ITGA6: variants seen among roughly 807,000 people sequenced by gnomAD.
ITGA6 encodes the protein integrin subunit alpha 6.
In ITGA6, 63 loss-of-function variants were observed where a neutral mutation model predicts 133.6. The ratio of observed to expected loss-of-function variants is 0.47; its 90% confidence interval spans 0.38 to 0.58. ITGA6 has a LOEUF of 0.58. Ranked by LOEUF, ITGA6 falls within the 20% of genes least tolerant of loss-of-function variation. The pLI, the probability that ITGA6 is intolerant of heterozygous loss-of-function variation, is 0.00. For missense variants in ITGA6, 1,068 were observed against 1,309.4 expected, an observed-to-expected ratio of 0.82 and a Z score of 2.85; for synonymous variants, 434 against 482.0, an observed-to-expected ratio of 0.90 and a Z score of 1.30.
chr2:172,488,475 T>C (rs1686785159), intron 19 of ITGA6, among the ~76,000 whole-genome samples: 1 of 152,256 alleles, frequency 6.6e-6, no homozygotes, highest in Non-Finnish European at 1.5e-5. Context: ...GATTTATTCC[T>C]TCCTCCTTTA....
chr2:172,480,017 T>C lies in ITGA6; in HGVS notation c.1515T>C (p.Tyr505=), dbSNP rs1686362211. The C allele has an allele frequency of 3.8e-6, 6 of 1,593,690 alleles. No individual in the cohort carries two copies. The highest frequency in any genetic ancestry group is 5.2e-6 in the Non-Finnish European group (6 of 1,161,300). Residue 505 remains tyrosine, a synonymous_variant, in exon 11 of 26, where the codon TAT becomes TAC. Coordinates refer to ENST00000684293, the MANE Select transcript of ITGA6 (RefSeq NM_000210.4). ...ICLQVKSCFE[Y]TANPAGYNPS... ...TCCAGGTTAAATCCTGTTTTGAATA[T>C]ACTGCTAACCCCGCTGGTTATAATC...
In ITGA6 at chr2:172,491,276, A is replaced by G; in HGVS notation, c.2834A>G (p.Asp945Gly). The change falls in exon 22 of 26, where the codon GAC (aspartate) becomes GGC (glycine). Residue 945 changes from aspartate (D) to glycine (G), a missense_variant. By Grantham distance (94) the Asp-to-Gly change is moderately conservative (BLOSUM62 -1). Transcript: ENST00000684293. This position sits in a 1 kb window ranked among gnomAD's most constrained non-coding sequence, Gnocchi z 4.4. ...VNIRCPLRGL[D>G]SKASLILRSR... The stretch of plus-strand genomic sequence containing the variant: ...ATCAGATGCCCGCTGCGGGGGCTGG[A>G]CAGCAAGGCGTCTCTTATTTTGCGC... 6.2e-7 allele frequency: 1 copy of G among 1,613,350 alleles called. No homozygotes were observed. The highest frequency in any genetic ancestry group is 8.5e-7 in the Non-Finnish European group (1 of 1,179,306).
At chr2:172,479,429 T>C (rs992548706) in intron 9 of ITGA6, among the ~76,000 whole-genome samples, 1 of 152,232 alleles carries the variant, frequency 6.6e-6, no homozygotes, top group Non-Finnish European at 1.5e-5. Flanking sequence ...TGTACGTTTT[T>C]AAACAAATAT....
At chr2:172,471,415 G>A (rs1185988439) in intron 5 of ITGA6, among the ~76,000 whole-genome samples, 1 of 152,198 alleles carries the variant, frequency 6.6e-6, no homozygotes, top group Non-Finnish European at 1.5e-5. Flanking sequence ...ACCTGAAACA[G>A]GCCGCTCATG....
At chr2:172,500,897 G>A (rs1175361406) in intron 24 of ITGA6, among the ~76,000 whole-genome samples, 1 of 152,110 alleles carries the variant, frequency 6.6e-6, no homozygotes, top group African/African-American at 2.4e-5. Flanking sequence ...ATAGCCTCAC[G>A]GAGCCAGCAG....
intron 1 of ITGA6, among the ~76,000 whole-genome samples, chr2:172,439,812 A>G (rs1684468895): frequency 6.6e-6 from 1 of 152,192 alleles, no homozygotes; most frequent in Non-Finnish European, 1.5e-5. Flanking sequence ...CTAGCTGCCC[A>G]GTGCCCAGTC....
chr2:172,472,318 T>G (rs1283426653), intron 5 of ITGA6, among the ~76,000 whole-genome samples: 3 of 152,246 alleles, frequency 2.0e-5, no homozygotes, highest in Non-Finnish European at 2.9e-5. Context: ...AGCAGGACCT[T>G]ACCTCAGAAT....
intron 1 of ITGA6, among the ~76,000 whole-genome samples, chr2:172,442,243 T>C (rs184515293): frequency 5.9e-4 from 90 of 152,308 alleles, no homozygotes; most frequent in African/African-American, 2.1e-3. Flanking sequence ...ACTGACTCAC[T>C]CTGCTTGGGT....
In ITGA6 at chr2:172,452,759, C is replaced by T. The variant is rs182106281; in HGVS notation, c.183-12780C>T. Among the ~76,000 whole-genome samples the T allele has an allele frequency of 1.3e-3, 198 of 152,288 alleles. 1 individual carries two copies. Among genetic ancestry groups the T allele is most frequent in the Admixed American group, 0.012 (191 of 15,290 alleles). On this transcript the variant is annotated intron_variant, in intron 1 of 25. Transcript: ENST00000684293. Reference sequence around the variant, plus strand: ...ACCCATATTAATGGACTCATTTTGGCGTTTGTAACCGGGTAAGTTACAGAT... The same window carrying T: ...ACCCATATTAATGGACTCATTTTGGTGTTTGTAACCGGGTAAGTTACAGAT...
intron 1 of ITGA6, among the ~76,000 whole-genome samples, chr2:172,451,119 C>T (rs1684978541): frequency 6.6e-6 from 1 of 150,954 alleles, no homozygotes. Flanking sequence ...TGCACCACTG[C>T]ACTCCAGCCT....
At chr2:172,493,745 G>A (rs1248152636) in intron 23 of ITGA6, among the ~76,000 whole-genome samples, 2 of 152,034 alleles carry the variant, frequency 1.3e-5, no homozygotes, top group Non-Finnish European at 2.9e-5. Context: ...GTATCTCCCC[G>A]TCAGGGTCAC....
chr2:172,467,856 A>T (rs1685748989), intron 3 of ITGA6, among the ~76,000 whole-genome samples: 2 of 152,150 alleles, frequency 1.3e-5, no homozygotes, highest in South Asian at 4.1e-4. Flanking sequence ...GCGTAGTGGC[A>T]TGCGCCTGTA....
At chr2:172,454,499 C>T (rs916094973) in intron 1 of ITGA6, among the ~76,000 whole-genome samples, 2 of 151,984 alleles carry the variant, frequency 1.3e-5, no homozygotes, top group African/African-American at 4.8e-5. Context: ...AGAGGGTTAA[C>T]CCAGAATGTG....
intron 2 of ITGA6, among the ~76,000 whole-genome samples, chr2:172,466,430 G>A (rs1393160478): frequency 1.3e-5 from 2 of 152,096 alleles, no homozygotes; most frequent in East Asian, 3.9e-4. Context: ...GACCAGCCTG[G>A]CCAACATGGT....
At chr2:172,454,152 C>T (rs377348154) in intron 1 of ITGA6, among the ~76,000 whole-genome samples, 3 of 150,346 alleles carry the variant, frequency 2.0e-5, no homozygotes, top group African/African-American at 7.4e-5. Flanking sequence ...GGTGCCATCT[C>T]GGCTCACTGC....
chr2:172,455,792 A>G (rs6755175), intron 1 of ITGA6, among the ~76,000 whole-genome samples: 20,612 of 152,222 alleles, frequency 0.14, 2,399 homozygotes, highest in African/African-American at 0.32. Context: ...AGTCACCAAA[A>G]TAAGGAAAAT....
At chr2:172,433,900 G>A (rs1205062838) in intron 1 of ITGA6, among the ~76,000 whole-genome samples, 2 of 152,168 alleles carry the variant, frequency 1.3e-5, no homozygotes, top group East Asian at 3.9e-4. Flanking sequence ...GCATAGACAT[G>A]ACGGGGCAGT....
At chr2:172,439,440 A>G (rs971347326) in intron 1 of ITGA6, among the ~76,000 whole-genome samples, 3 of 151,872 alleles carry the variant, frequency 2.0e-5, no homozygotes, top group African/African-American at 7.2e-5. Context: ...AAAAGGAAAT[A>G]GAATATCTTT....
In ITGA6 at chr2:172,489,793, C is replaced by A. The variant is rs928689835; in HGVS notation, c.2679+135C>A. 4.7e-6 allele frequency: 4 copies of A among 852,658 alleles called. No individual in the cohort carries two copies. The African/African-American group carries it at 5.1e-5, about 11-fold the overall frequency. The allele number at this position is 852,658 out of a possible 1,614,324, so 52.8% of individuals were successfully genotyped here. A position where few individuals can be genotyped will look rare whatever the true frequency, so the allele number is the denominator to read the frequency against. On this transcript the variant is annotated intron_variant, in intron 20 of 25. Transcript: ENST00000684293. ...ACTTTCTCTTTGGTTGTCACAATTT[C>A]TCTTTTCTAGTTGGGTAACTGAGGG...
Sources: gnomAD v4.1 joint callset for allele counts (sites outside exome capture counted in the v4.1 genomes callset) on GRCh38, gnomAD v4.1.1 for gene constraint, Gnocchi (gnomAD v3.1) non-coding constraint, MANE v1.5 for transcripts, NCBI Gene and HGNC (gene_info 2026-07-23, HGNC 2026-07-21) for gene names.